The following ARL15 variants were observed in gnomAD, a reference collection of about 807,000 sequenced individuals.
ARL15 encodes ARF like GTPase 15.
A neutral mutation model predicts 25.2 loss-of-function variants in ARL15; 19 were observed. The observed-to-expected ratio is 0.75, with a 90% CI of 0.53 to 1.10. The LOEUF (loss-of-function observed/expected upper bound fraction) is 1.10, where lower values mean the gene tolerates loss of function less well. Ranked by LOEUF, ARL15 falls within the 50% of genes least tolerant of loss-of-function variation. The pLI, the probability that ARL15 is intolerant of heterozygous loss-of-function variation, is 0.00. For synonymous variants in ARL15, 94 were observed against 86.8 expected (o/e 1.08, Z -0.46); for missense variants, 220 against 246.0 (o/e 0.89, Z 0.71).
At chr5:54,139,824 C>T (rs904322798) in intron 3 of ARL15, among the ~76,000 whole-genome samples, 2 of 151,456 alleles carry the variant, frequency 1.3e-5, no homozygotes, top group Admixed American at 1.3e-4. Context: ...AGAATGAGAC[C>T]CTGTCTCAAA....
At chr5:53,953,610 T>C (rs1747048187) in intron 4 of ARL15, among the ~76,000 whole-genome samples, 1 of 152,024 alleles carries the variant, frequency 6.6e-6, no homozygotes, top group Non-Finnish European at 1.5e-5. Flanking sequence ...GACCTTTTCA[T>C]ATGAAGAGGG....
chr5:53,964,440 T>C (rs6450174), intron 4 of ARL15, among the ~76,000 whole-genome samples: 1 of 151,904 alleles, frequency 6.6e-6, no homozygotes, highest in Admixed American at 6.6e-5. Flanking sequence ...GCTCACTGCA[T>C]GCTCCGCCTC....
intron 1 of ARL15, among the ~76,000 whole-genome samples, chr5:54,224,155 G>C (rs2112538409): frequency 6.6e-6 from 1 of 152,250 alleles, no homozygotes; most frequent in South Asian, 2.1e-4. Flanking sequence ...CAATCACAAG[G>C]AGGCCGGGGT....
chr5:54,120,600 T>C (rs1753041818), intron 3 of ARL15, among the ~76,000 whole-genome samples: 1 of 152,210 alleles, frequency 6.6e-6, no homozygotes, highest in Non-Finnish European at 1.5e-5. Context: ...AGCCAACAGC[T>C]GACTCCTTAG....
At chr5:54,080,027 G>A (rs1230742330) in intron 4 of ARL15, among the ~76,000 whole-genome samples, 3 of 118,756 alleles carry the variant, frequency 2.5e-5, no homozygotes, top group Admixed American at 7.8e-5. Context: ...AGACACAGAT[G>A]TATATTAATT....
Position 54,058,353 on chromosome 5 carries a change from C to A in ARL15, c.462+54849G>T, listed in dbSNP as rs146496187. 7.2e-3 allele frequency among the ~76,000 whole-genome samples: 1,095 copies of A among 152,142 alleles called. 13 individuals carry two copies. Among genetic ancestry groups the A allele is most frequent in the African/African-American group, 0.025 (1,053 of 41,478 alleles). The stretch of plus-strand genomic sequence containing the variant: ...CCTCACACTTCATTTTTTCCTACAA[C>A]TTTGTAGCTTGGCTGTTTTACATGA... On this transcript the variant is annotated intron_variant, in intron 4 of 4. Transcript: ENST00000504924.
At chr5:54,196,809 A>G (rs149177624) in intron 1 of ARL15, among the ~76,000 whole-genome samples, 1 of 152,304 alleles carries the variant, frequency 6.6e-6, no homozygotes, top group African/African-American at 2.4e-5. Flanking sequence ...TTAAACTGAA[A>G]TAGAATTCTA....
At chr5:54,145,625 T>C (rs1753883605) in intron 3 of ARL15, among the ~76,000 whole-genome samples, 1 of 152,072 alleles carries the variant, frequency 6.6e-6, no homozygotes, top group African/African-American at 2.4e-5. Flanking sequence ...TGTGTGTGTG[T>C]GCGTGCGTGT....
chr5:54,040,104 C>A (rs1750289752), intron 4 of ARL15, among the ~76,000 whole-genome samples: 3 of 152,160 alleles, frequency 2.0e-5, no homozygotes, highest in Non-Finnish European at 4.4e-5. Context: ...AGAGCTCTGA[C>A]CAAATTCTAA....
chr5:54,147,683 C>T (rs1235461269), intron 3 of ARL15, among the ~76,000 whole-genome samples: 1 of 152,162 alleles, frequency 6.6e-6, no homozygotes. Flanking sequence ...CCATCCCTCC[C>T]ATGGACACCT....
intron 4 of ARL15, among the ~76,000 whole-genome samples, chr5:54,081,366 T>C (rs1561216439): frequency 6.6e-6 from 1 of 152,128 alleles, no homozygotes; most frequent in Non-Finnish European, 1.5e-5. Flanking sequence ...CATATTAAAC[T>C]TGAGAAAGAA....
chr5:54,153,974 T>C (rs1478052819), intron 3 of ARL15, among the ~76,000 whole-genome samples: 1 of 152,166 alleles, frequency 6.6e-6, no homozygotes, highest in East Asian at 1.9e-4. Flanking sequence ...ATTTAGTGGG[T>C]TCACTGAATT....
chr5:54,247,117 T>C (rs773897974), intron 1 of ARL15, among the ~76,000 whole-genome samples: 1 of 152,172 alleles, frequency 6.6e-6, no homozygotes, highest in Non-Finnish European at 1.5e-5. Flanking sequence ...TTGGATATTA[T>C]TGAATGTAAT....
Position 54,030,988 on chromosome 5 carries a change from T to C in ARL15, c.462+82214A>G, listed in dbSNP as rs193139980. The stretch of plus-strand genomic sequence containing the variant: ...GGAGCCACCTGGAAACCACTGTAAA[T>C]GCAAGTAGCACATACTTAGAGTCTG... On this transcript the variant is annotated intron_variant, in intron 4 of 4. Transcript: ENST00000504924. 2.6e-5 allele frequency among the ~76,000 whole-genome samples: 4 copies of C among 152,284 alleles called. No homozygotes were observed. In the East Asian group the frequency reaches 7.7e-4, roughly 29 times the overall value.
At position 53,886,224 on chromosome 5, in the gene ARL15, A is replaced by G. The variant is rs2111874698; in HGVS notation, c.*337T>C. 1 of 170,976 alleles carries G rather than the reference A, an allele frequency of 5.8e-6. No homozygotes were observed. Among genetic ancestry groups the G allele is most frequent in the Non-Finnish European group, 1.2e-5 (1 of 80,650 alleles). 10.6% of individuals were successfully genotyped at this position (170,976 alleles called of 1,614,324 possible). On this transcript the variant is annotated 3_prime_UTR_variant, in exon 5 of 5. Coordinates refer to ENST00000504924, the MANE Select transcript of ARL15 (RefSeq NM_019087.3). ...CTTGTGAGTCTTTCTGAGTCCTTCA[A>G]AAGGGATTTGATTTCCATAAGCCAT...
At chr5:54,107,644 A>G (rs1722250989) in intron 4 of ARL15, among the ~76,000 whole-genome samples, 1 of 152,146 alleles carries the variant, frequency 6.6e-6, no homozygotes, top group South Asian at 2.1e-4. Flanking sequence ...GAGAATAAAA[A>G]AGAGTACGAA....
chr5:53,972,286 T>A (rs1306563202), intron 4 of ARL15, among the ~76,000 whole-genome samples: 2 of 152,138 alleles, frequency 1.3e-5, no homozygotes, highest in Admixed American at 6.5e-5. Flanking sequence ...TGATAGTCAT[T>A]TTTCCTCCCT....
intron 1 of ARL15, among the ~76,000 whole-genome samples, chr5:54,277,795 A>T (rs574262362): frequency 1.1e-4 from 17 of 152,212 alleles, no homozygotes; most frequent in Non-Finnish European, 2.5e-4. Flanking sequence ...AGGCCAAAGA[A>T]GAATTTAAAG....
At position 54,107,077 on chromosome 5, in the gene ARL15, C is replaced by T. The variant is rs535279529; in HGVS notation, c.462+6125G>A. 1.2e-4 allele frequency among the ~76,000 whole-genome samples: 18 copies of T among 152,070 alleles called. No homozygotes were observed. The East Asian group carries it at 2.9e-3, about 25-fold the overall frequency. ...CATGGCTGGGGAGGCCTCAGAATCA[C>T]GGTGGGAGGTGAAAGGTACTTCTTC... is the stretch of plus-strand genomic sequence containing the variant. On this transcript the variant is annotated intron_variant, in intron 4 of 4. Transcript: ENST00000504924.
Sources: gnomAD v4.1 joint callset for allele counts (sites outside exome capture counted in the v4.1 genomes callset) on GRCh38, gnomAD v4.1.1 for gene constraint, MANE v1.5 for transcripts, NCBI Gene and HGNC (gene_info 2026-07-23, HGNC 2026-07-21) for gene names.